PTPRD: variants seen among roughly 807,000 people sequenced by gnomAD.
PTPRD encodes receptor-type tyrosine-protein phosphatase delta.
PTPRD carries 34 observed loss-of-function variants against 214.5 expected under a neutral mutation model. The ratio of observed to expected loss-of-function variants is 0.16; its 90% CI spans 0.12 to 0.21. The LOEUF (loss-of-function observed/expected upper bound fraction) is 0.21. PTPRD is among the 10% of genes least tolerant of loss of function. The pLI, the probability that PTPRD is intolerant of heterozygous loss-of-function variation, is 1.00. For missense variants in PTPRD, 2,545 were observed against 2,398.7 expected, an observed-to-expected ratio of 1.06 and a Z score of -1.27; for synonymous variants, 1,128 against 845.7, an observed-to-expected ratio of 1.33 and a Z score of -5.79.
chr9:9,399,982 G>C (rs1396909371), intron 8 of PTPRD, among the ~76,000 whole-genome samples: 1 of 151,640 alleles, frequency 6.6e-6, no homozygotes, highest in African/African-American at 2.4e-5. Context: ...AGTACCTTTG[G>C]AAATATTAAT....
intron 3 of PTPRD, among the ~76,000 whole-genome samples, chr9:10,321,246 G>A (rs535652552): frequency 6.6e-6 from 1 of 152,150 alleles, no homozygotes; most frequent in East Asian, 1.9e-4. Context: ...GAGAGTGTCT[G>A]ATACACTCCT....
At chr9:10,236,933 G>T (rs774359202) in intron 3 of PTPRD, among the ~76,000 whole-genome samples, 18 of 151,798 alleles carry the variant, frequency 1.2e-4, no homozygotes, top group Non-Finnish European at 1.8e-4. Context: ...TTGGTGGGGG[G>T]GCTGAAAAGA....
intron 9 of PTPRD, among the ~76,000 whole-genome samples, chr9:9,222,014 C>A (rs535536630): frequency 2.0e-5 from 3 of 152,132 alleles, no homozygotes; most frequent in African/African-American, 7.2e-5. Flanking sequence ...TTATAAAATT[C>A]ATAATAAAAG....
At chr9:8,877,251 G>C (rs2098402040) in intron 11 of PTPRD, among the ~76,000 whole-genome samples, 1 of 152,146 alleles carries the variant, frequency 6.6e-6, no homozygotes, top group South Asian at 2.1e-4. Flanking sequence ...TCATTTGTAT[G>C]AGCCAAATTA....
chr9:9,254,749 GT>G (rs911219395), intron 9 of PTPRD, among the ~76,000 whole-genome samples: 1 of 151,968 alleles, frequency 6.6e-6, no homozygotes. Flanking sequence ...AAAATTCACT[GT>G]TTTTAAACGG....
chr9:8,478,001 G>A (rs373818550), intron 30 of PTPRD, among the ~76,000 whole-genome samples: 1 of 152,144 alleles, frequency 6.6e-6, no homozygotes, highest in Non-Finnish European at 1.5e-5. Context: ...TTCCTGTGAG[G>A]ATTACATCAG....
At position 8,530,535 on chromosome 9, in the gene PTPRD, A is replaced by G. The variant is rs72694787; in HGVS notation, c.353-1756T>C. Among the ~76,000 whole-genome samples the G allele has an allele frequency of 2.1e-3, 323 of 152,100 alleles. 1 individual carries two copies. Among genetic ancestry groups the G allele is most frequent in the Non-Finnish European group, 3.9e-3 (268 of 67,982 alleles). ...ACTGTCTTGTACTTATTAACTCATG[A>G]GTTTATCCCTCCACACCAGGAGTTC... On this transcript the variant is annotated intron_variant, in intron 14 of 45. Coordinates refer to ENST00000381196, the MANE Select transcript of PTPRD (RefSeq NM_002839.4).
At chr9:10,269,053 A>G (rs1291099151) in intron 3 of PTPRD, among the ~76,000 whole-genome samples, 1 of 152,146 alleles carries the variant, frequency 6.6e-6, no homozygotes, top group Non-Finnish European at 1.5e-5. Context: ...GCTGAGAACC[A>G]CTGCTTTAAG....
At chr9:8,685,419 T>C (rs377046532) in intron 12 of PTPRD, among the ~76,000 whole-genome samples, 1 of 152,182 alleles carries the variant, frequency 6.6e-6, no homozygotes, top group Non-Finnish European at 1.5e-5. Flanking sequence ...GCTTAAAATA[T>C]ACACAGCCAC....
At chr9:9,529,639 G>C (rs2075020301) in intron 8 of PTPRD, among the ~76,000 whole-genome samples, 1 of 151,890 alleles carries the variant, frequency 6.6e-6, no homozygotes, top group South Asian at 2.1e-4. Context: ...TATAGTACCA[G>C]ATTTTACTGA....
chr9:9,524,815 G>A lies in PTPRD; in HGVS notation c.-237+49917C>T, dbSNP rs180679215. Among the ~76,000 whole-genome samples, 769 of 152,200 alleles carry A rather than the reference G, an allele frequency of 5.1e-3. 6 individuals are homozygous for A. The highest frequency in any genetic ancestry group is 9.3e-3 in the Non-Finnish European group (634 of 67,992). ...ATCTCCGAATAATTTACTAATTTTGGATTGATTTTGGGTGATAGGAGTTTT... is the reference window on the plus strand; with the variant it reads ...ATCTCCGAATAATTTACTAATTTTGAATTGATTTTGGGTGATAGGAGTTTT... On this transcript the variant is annotated intron_variant, in intron 8 of 45. Coordinates refer to ENST00000381196, the MANE Select transcript of PTPRD (RefSeq NM_002839.4).
At chr9:9,802,594 G>C (rs953118003) in intron 5 of PTPRD, among the ~76,000 whole-genome samples, 1 of 151,740 alleles carries the variant, frequency 6.6e-6, no homozygotes, top group Non-Finnish European at 1.5e-5. Context: ...TTGTGGGAAA[G>C]CTTAGCCATA....
intron 3 of PTPRD, among the ~76,000 whole-genome samples, chr9:10,139,207 G>C (rs563165107): frequency 1.3e-5 from 2 of 151,684 alleles, no homozygotes; most frequent in Admixed American, 6.6e-5. Context: ...CAGGATACAA[G>C]ATAAATGCAT....
intron 3 of PTPRD, among the ~76,000 whole-genome samples, chr9:10,044,692 G>C (rs538599441): frequency 6.6e-6 from 1 of 151,730 alleles, no homozygotes; most frequent in African/African-American, 2.4e-5. Context: ...AGGCTGGGAA[G>C]TTTTCTGAAG....
chr9:8,718,465 A>C (rs374306954), intron 12 of PTPRD, among the ~76,000 whole-genome samples: 15 of 152,172 alleles, frequency 9.9e-5, no homozygotes, highest in African/African-American at 3.4e-4. Context: ...TTTCTGATGT[A>C]GTTTGGATTA....
chr9:8,553,749 G>A (rs940363638), intron 14 of PTPRD, among the ~76,000 whole-genome samples: 9 of 152,002 alleles, frequency 5.9e-5, no homozygotes, highest in African/African-American at 2.2e-4. Context: ...TTCTTCTTAT[G>A]CTCAGAGAAC....
intron 2 of PTPRD, among the ~76,000 whole-genome samples, chr9:10,602,430 T>A (rs189923262): frequency 1.3e-5 from 2 of 151,844 alleles, no homozygotes; most frequent in Admixed American, 6.6e-5. Flanking sequence ...TTTAAAAAAA[T>A]TTGATGAATA....
At chr9:9,019,333 AAAGAAC>A (rs1569429901) in intron 10 of PTPRD, among the ~76,000 whole-genome samples, 31 of 23,288 alleles carry the variant, frequency 1.3e-3, no homozygotes, top group Non-Finnish European at 3.6e-3. Context: ...AGAAAGAAAG[AAAGAAC>A]GAAAGAAAGA....
chr9:8,614,714 T>C (rs1212300957), intron 14 of PTPRD, among the ~76,000 whole-genome samples: 2 of 151,962 alleles, frequency 1.3e-5, no homozygotes, highest in Admixed American at 6.6e-5. Context: ...TGAGACAAAA[T>C]GACAAAATGA....
Sources: allele counts gnomAD v4.1 joint callset (sites outside exome capture counted in the v4.1 genomes callset), GRCh38; gene constraint gnomAD v4.1.1; transcripts MANE v1.5; gene names NCBI Gene and HGNC (gene_info 2026-07-23, HGNC 2026-07-21).